APLP2: variants seen among roughly 807,000 people sequenced by gnomAD.
APLP2 encodes CDEI box-binding protein.
APLP2 carries 53 observed loss-of-function variants against 89.9 expected under a neutral mutation model. That is an observed-to-expected ratio of 0.59 (90% CI 0.47 to 0.74). The LOEUF is 0.74. Ranked by LOEUF, APLP2 falls within the 30% of genes least tolerant of loss-of-function variation. The pLI is 0.00. For missense variants in APLP2, 973 were observed against 975.9 expected (o/e 1.00, Z 0.04); for synonymous variants, 372 against 348.6 (o/e 1.07, Z -0.75).
rs1033002078 is a variant in APLP2 at position 130,122,992 on chromosome 11, GT to G, written c.922+491del. On this transcript the variant is annotated intron_variant, in intron 6 of 16. Coordinates refer to ENST00000338167, the MANE Select transcript of APLP2 (RefSeq NM_001142276.2). ...TGCTGGTAACAGATTGGGGCCTGCAGTTTTTTTTTTTTCTCATCTTGCCAAT... is the reference window on the plus strand; with the variant it reads ...TGCTGGTAACAGATTGGGGCCTGCAGTTTTTTTTTTTCTCATCTTGCCAAT... 8.7e-4 allele frequency among the ~76,000 whole-genome samples: 128 copies of G among 146,492 alleles called. 1 individual carries two copies. The highest frequency in any genetic ancestry group is 2.7e-3 in the African/African-American group (108 of 40,210).
Position 130,083,021 on chromosome 11 carries a change from C to CTTTTTTTTTTTTTTTTTTTTTTT in APLP2, c.105+12943_105+12944insTTTTTTTTTTTTTTTTTTTTTTT, listed in dbSNP as rs1469566240. 5.0e-5 allele frequency among the ~76,000 whole-genome samples: 4 copies of CTTTTTTTTTTTTTTTTTTTTTTT among 79,980 alleles called. 1 individual carries two copies. The highest frequency in any genetic ancestry group is 1.0e-4 in the African/African-American group (2 of 19,620). 52.5% of individuals were successfully genotyped at this position (79,980 alleles called of 152,430 possible). A position where few individuals can be genotyped will look rare whatever the true frequency, so the allele number is the denominator to read the frequency against. ...AAATATATTAACCACTGAAACTTTTCTTTTCTTTTTTTTTTTTTTTTTTTT... is the reference window on the plus strand; with the variant it reads ...AAATATATTAACCACTGAAACTTTTCTTTTTTTTTTTTTTTTTTTTTTTTTTTCTTTTTTTTTTTTTTTTTTTT... On this transcript the variant is annotated intron_variant, in intron 1 of 16. Transcript: ENST00000338167.
intron 1 of APLP2, chr11:130,109,104 C>A: frequency 6.3e-6 from 1 of 158,582 alleles, no homozygotes; most frequent in Non-Finnish European, 1.4e-5. Context: ...ATGTAAATGA[C>A]AAGTTAATGG....
intron 1 of APLP2, chr11:130,070,501 T>C (rs1037754876): frequency 8.4e-7 from 1 of 1,191,638 alleles, no homozygotes; most frequent in Non-Finnish European, 1.0e-6. Flanking sequence ...GCGGACCCCG[T>C]ACGCTCCCTC....
chr11:130,134,743 G>A (rs926675996), intron 12 of APLP2, among the ~76,000 whole-genome samples: 4 of 152,184 alleles, frequency 2.6e-5, no homozygotes, highest in Non-Finnish European at 4.4e-5. Context: ...GGACAGCTGG[G>A]GATGGTCTGT....
intron 3 of APLP2, among the ~76,000 whole-genome samples, chr11:130,112,384 A>C (rs1948694339): frequency 6.8e-6 from 1 of 147,088 alleles, no homozygotes; most frequent in African/African-American, 2.5e-5. Flanking sequence ...GATGGTGTTC[A>C]GTCTGATTGC....
chr11:130,099,219 TAGTG>T lies in APLP2; in HGVS notation c.106-10207_106-10204del, dbSNP rs368464071. ...TTTGGAGTCACAGTGAATTCTGACT[TAGTG>T]AGGGAGGCCATCTTCATTTCTAAGC... On this transcript the variant is annotated intron_variant, in intron 1 of 16. Transcript: ENST00000338167. Among the ~76,000 whole-genome samples, 108 of 152,264 alleles carry T rather than the reference TAGTG, an allele frequency of 7.1e-4. 1 individual carries two copies. Among genetic ancestry groups the T allele is most frequent in the African/African-American group, 2.4e-3 (101 of 41,550 alleles).
intron 1 of APLP2, among the ~76,000 whole-genome samples, chr11:130,106,564 G>T (rs769073363): frequency 6.6e-6 from 1 of 152,162 alleles, no homozygotes; most frequent in Non-Finnish European, 1.5e-5. Context: ...GTCCCGGCAT[G>T]CCTCTCCCAC....
intron 13 of APLP2, among the ~76,000 whole-genome samples, chr11:130,136,187 C>T (rs116365386): frequency 3.3e-5 from 5 of 152,260 alleles, no homozygotes; most frequent in African/African-American, 1.2e-4. Flanking sequence ...CTCTATTCCC[C>T]TGCTGGTTCT....
At chr11:130,105,931 G>A (rs754623293) in intron 1 of APLP2, among the ~76,000 whole-genome samples, 1 of 151,978 alleles carries the variant, frequency 6.6e-6, no homozygotes, top group South Asian at 2.1e-4. Context: ...TCGAACTCCC[G>A]ACCTCAGGTG....
At chr11:130,109,771 C>G (rs182955736) in intron 2 of APLP2, 169 bp downstream of exon 2, 22 of 657,398 alleles carry the variant, frequency 3.3e-5, no homozygotes, top group Admixed American at 1.9e-4. Context: ...TGAGACCTCT[C>G]AAAGGCTTTG....
rs1172822779 is a variant in APLP2, at chr11:130,140,388, C to G, written c.1838-10C>G. The G allele has an allele frequency of 1.3e-6, 2 of 1,597,034 alleles. No individual in the cohort carries two copies. Among genetic ancestry groups the G allele is most frequent in the South Asian group, 2.3e-5 (2 of 88,458 alleles). ...CCTTGGGAACTCAGCCATGATCTCT[C>G]TCCACACAGGATCTGGAGTGGGAGA... is the stretch of plus-strand genomic sequence containing the variant. On this transcript the variant is annotated splice_polypyrimidine_tract_variant and intron_variant, in intron 13 of 16. Coordinates refer to ENST00000338167, the MANE Select transcript of APLP2 (RefSeq NM_001142276.2).
chr11:130,115,023 C>A (rs559498821), intron 3 of APLP2, among the ~76,000 whole-genome samples: 2 of 152,064 alleles, frequency 1.3e-5, no homozygotes, highest in African/African-American at 4.8e-5. Flanking sequence ...GTTCCACTCT[C>A]GAGAGGTAGC....
chr11:130,136,012 G>A (rs1951542372), intron 13 of APLP2, among the ~76,000 whole-genome samples: 1 of 152,200 alleles, frequency 6.6e-6, no homozygotes, highest in African/African-American at 2.4e-5. Flanking sequence ...GAGGCACTTG[G>A]CAGTTGAAAC....
chr11:130,129,598 G>A (rs1950713762), intron 10 of APLP2, among the ~76,000 whole-genome samples: 1 of 152,208 alleles, frequency 6.6e-6, no homozygotes, highest in Non-Finnish European at 1.5e-5. Context: ...AAACTCTTGT[G>A]TGAGTGGTCT....
intron 1 of APLP2, among the ~76,000 whole-genome samples, chr11:130,091,552 C>T (rs1407127005): frequency 1.4e-5 from 2 of 144,010 alleles, no homozygotes; most frequent in African/African-American, 2.6e-5. Context: ...GCTGACCCCC[C>T]CACCTCCCTC....
intron 14 of APLP2, 169 bp downstream of exon 14, chr11:130,140,652 T>G (rs1319776739): frequency 2.2e-6 from 1 of 461,800 alleles, no homozygotes; most frequent in Non-Finnish European, 3.9e-6. Flanking sequence ...GTTTAGCATC[T>G]GGGTATGAAA....
chr11:130,126,158 G>A (rs565170732), intron 7 of APLP2, among the ~76,000 whole-genome samples: 2 of 152,238 alleles, frequency 1.3e-5, no homozygotes, highest in African/African-American at 4.8e-5. Context: ...GGAGTGATGG[G>A]GACTTTCTCT....
Position 130,118,590 on chromosome 11 carries a change from A to G in APLP2, c.404-2116A>G, listed in dbSNP as rs74995305. 3.8e-3 allele frequency among the ~76,000 whole-genome samples: 578 copies of G among 152,304 alleles called. 13 individuals are homozygous for G. The East Asian group carries it at 0.08, about 21-fold the overall frequency. ...AAAACAGCCTAGTTAATTCAGAATA[A>G]TCACATTAAACCATGTGAGTTGGTG... is the stretch of plus-strand genomic sequence containing the variant. On this transcript the variant is annotated intron_variant, in intron 3 of 16. Coordinates refer to ENST00000338167, the MANE Select transcript of APLP2 (RefSeq NM_001142276.2).
At chr11:130,129,947 C>T (rs1182785275) in intron 10 of APLP2, 91 bp from the exon 11 acceptor site, 1 of 1,437,518 alleles carries the variant, frequency 7.0e-7, no homozygotes, top group African/African-American at 1.4e-5. Flanking sequence ...CTGAGCTTTA[C>T]ATTCTTAAGT....
Sources: allele counts gnomAD v4.1 joint callset (sites outside exome capture counted in the v4.1 genomes callset), GRCh38; gene constraint gnomAD v4.1.1; transcripts MANE v1.5; gene names NCBI Gene and HGNC (gene_info 2026-07-23, HGNC 2026-07-21).